RRAGD: variants seen among roughly 807,000 people sequenced by gnomAD.
The protein encoded by RRAGD is ras-related GTP-binding protein D.
In RRAGD, 12 loss-of-function variants were observed where a neutral mutation model predicts 35.5. That is an observed-to-expected ratio of 0.34 (90% CI 0.22 to 0.55). The LOEUF (loss-of-function observed/expected upper bound fraction) is 0.55, where lower values mean the gene tolerates loss of function less well. RRAGD is among the 20% of genes least tolerant of loss of function. The probability of loss-of-function intolerance (pLI) is 0.91; values close to 1 mark genes in which losing one functional copy is unlikely to be tolerated. For synonymous variants in RRAGD, 155 were observed against 178.9 expected (o/e 0.87, Z 1.07); for missense variants, 324 against 490.1 (o/e 0.66, Z 3.20).
chr6:89,389,629 T>C (rs555170133), intron 1 of RRAGD, among the ~76,000 whole-genome samples: 317 of 152,240 alleles, frequency 2.1e-3, no homozygotes, highest in Non-Finnish European at 3.7e-3. Flanking sequence ...TCCTTCGTTC[T>C]TGAAACATAT....
At chr6:89,404,521 C>T (rs1442696577) in intron 1 of RRAGD, among the ~76,000 whole-genome samples, 1 of 152,058 alleles carries the variant, frequency 6.6e-6, no homozygotes, top group African/African-American at 2.4e-5. Context: ...CTATCAATAC[C>T]CAGATTTTCC....
Position 89,411,894 on chromosome 6 carries a change from C to T in RRAGD, c.100G>A (p.Gly34Arg). 1.3e-6 allele frequency: 2 copies of T among 1,546,530 alleles called. No homozygotes were observed. The highest frequency in any genetic ancestry group is 1.7e-6 in the Non-Finnish European group (2 of 1,148,358). The change falls in exon 1 of 7, where the codon GGG becomes AGG. Residue 34 changes from glycine (G) to arginine (R), a missense_variant. Coordinates refer to ENST00000369415, the MANE Select transcript of RRAGD (RefSeq NM_021244.5). This position sits in a 1 kb window ranked among gnomAD's most constrained non-coding sequence, Gnocchi z 5.6. ...GGATCGGCGTCGGAGGAGTCGGGCC[C>T]GTCTCCGTAGTCCGCTAGCCCCACC... is the stretch of plus-strand genomic sequence containing the variant. ...ELVGLADYGD[G>R]PDSSDADPDS...
chr6:89,375,422 G>A (rs1768918939), intron 5 of RRAGD, among the ~76,000 whole-genome samples: 1 of 152,204 alleles, frequency 6.6e-6, no homozygotes, highest in Non-Finnish European at 1.5e-5. Flanking sequence ...GAAAACACAT[G>A]AAGATAGAAC....
At chr6:89,369,430 TACTC>T (rs1289227200) in intron 6 of RRAGD, among the ~76,000 whole-genome samples, 1 of 152,134 alleles carries the variant, frequency 6.6e-6, no homozygotes, top group African/African-American at 2.4e-5. Flanking sequence ...TACAATGAAA[TACTC>T]AACTTGGGAA....
At chr6:89,372,240 G>A (rs1358947023) in intron 6 of RRAGD, among the ~76,000 whole-genome samples, 197 bp downstream of exon 6, 1 of 152,160 alleles carries the variant, frequency 6.6e-6, no homozygotes, top group African/African-American at 2.4e-5. Context: ...TAGAGGGCAG[G>A]CCAGTTCACT....
At chr6:89,404,996 GA>G (rs1321340610) in intron 1 of RRAGD, among the ~76,000 whole-genome samples, 1 of 152,178 alleles carries the variant, frequency 6.6e-6, no homozygotes, top group African/African-American at 2.4e-5. Flanking sequence ...AGAGTTCTCT[GA>G]GAGGTAGCAT....
intron 1 of RRAGD, among the ~76,000 whole-genome samples, chr6:89,404,882 T>G (rs1769546569): frequency 6.6e-6 from 1 of 152,180 alleles, no homozygotes. Context: ...ACACAGCTCT[T>G]AAGGTTGGCC....
At chr6:89,370,054 G>A (rs746662177) in intron 6 of RRAGD, among the ~76,000 whole-genome samples, 2 of 152,168 alleles carry the variant, frequency 1.3e-5, no homozygotes, top group Non-Finnish European at 2.9e-5. Context: ...GGCTGAGCAG[G>A]GAGGATCACT....
chr6:89,367,361 TATAG>T lies in RRAGD; in HGVS notation c.*691_*694del, dbSNP rs1768772490. On this transcript the variant is annotated 3_prime_UTR_variant, in exon 7 of 7. Transcript: ENST00000369415. ...AAATAACCTCTCTGTATAAAGTGATTATAGAGATGTGTGTTGAGGTAAACAGCTT... is the reference window on the plus strand; with the variant it reads ...AAATAACCTCTCTGTATAAAGTGATTAGATGTGTGTTGAGGTAAACAGCTT... The T allele has an allele frequency of 1.3e-5, 2 of 152,204 alleles. No homozygotes were observed. The highest frequency in any genetic ancestry group is 4.8e-5 in the African/African-American group (2 of 41,448). The allele number at this position is 152,204 out of a possible 1,614,324, so 9.4% of individuals were successfully genotyped here.
intron 2 of RRAGD, among the ~76,000 whole-genome samples, chr6:89,382,892 AAAATT>A (rs1227520474): frequency 2.6e-5 from 4 of 152,202 alleles, no homozygotes; most frequent in East Asian, 3.8e-4. Context: ...AATAAAAAAA[AAAATT>A]AAATTAAATG....
chr6:89,399,189 C>T (rs373736200), intron 1 of RRAGD, among the ~76,000 whole-genome samples: 15 of 152,344 alleles, frequency 9.8e-5, no homozygotes, highest in African/African-American at 2.9e-4. Flanking sequence ...GTTGAATCTC[C>T]TCCTCCTGGG....
At chr6:89,371,914 G>A (rs965936261) in intron 6 of RRAGD, among the ~76,000 whole-genome samples, 2 of 152,150 alleles carry the variant, frequency 1.3e-5, no homozygotes, top group East Asian at 1.9e-4. Flanking sequence ...TTCCCTTTCC[G>A]GAATCATGAT....
intron 2 of RRAGD, among the ~76,000 whole-genome samples, chr6:89,381,809 T>C (rs980052928): frequency 6.6e-6 from 1 of 152,162 alleles, no homozygotes; most frequent in Non-Finnish European, 1.5e-5. Context: ...ATTATTCCCA[T>C]GTATATGTGA....
intron 5 of RRAGD, among the ~76,000 whole-genome samples, chr6:89,373,681 G>A (rs1391945535): frequency 6.6e-6 from 1 of 150,704 alleles, no homozygotes; most frequent in African/African-American, 2.5e-5. Flanking sequence ...GCAGACACAA[G>A]TGACTTGGGT....
At chr6:89,392,078 T>C (rs954831571) in intron 1 of RRAGD, among the ~76,000 whole-genome samples, 2 of 151,930 alleles carry the variant, frequency 1.3e-5, no homozygotes, top group East Asian at 3.9e-4. Context: ...GTATATAAAG[T>C]ATATCTCAAT....
At chr6:89,382,215 T>C (rs1769055846) in intron 2 of RRAGD, among the ~76,000 whole-genome samples, 1 of 151,618 alleles carries the variant, frequency 6.6e-6, no homozygotes, top group Non-Finnish European at 1.5e-5. Flanking sequence ...ATTATACAAA[T>C]AGGAAACTAT....
In RRAGD at chr6:89,391,168, T is replaced by G. The variant is rs529282651; in HGVS notation, c.149-3578A>C. 1.4e-4 allele frequency among the ~76,000 whole-genome samples: 21 copies of G among 152,098 alleles called. No homozygotes were observed. The South Asian group carries it at 4.4e-3, about 32-fold the overall frequency. On this transcript the variant is annotated intron_variant, in intron 1 of 6. Coordinates refer to ENST00000369415, the MANE Select transcript of RRAGD (RefSeq NM_021244.5). ...GGGAGGCTGAGGCAGGAGGGTTGCT[T>G]GAGGCCAGGAGTTCAAGATCAGCCT... is the stretch of plus-strand genomic sequence containing the variant.
chr6:89,403,313 C>CG lies in RRAGD; in HGVS notation c.148+8532dup, dbSNP rs992167441. Among the ~76,000 whole-genome samples, 150 of 151,974 alleles carry CG rather than the reference C, an allele frequency of 9.9e-4. 3 individuals are homozygous for CG. The highest frequency in any genetic ancestry group is 3.5e-3 in the African/African-American group (147 of 41,426). The stretch of plus-strand genomic sequence containing the variant: ...ACAAAAAATTAGCTGGGCATGGTGG[C>CG]GGGCGCCTGTAGTCCCAGCTACTCA... On this transcript the variant is annotated intron_variant, in intron 1 of 6. Coordinates refer to ENST00000369415, the MANE Select transcript of RRAGD (RefSeq NM_021244.5).
At position 89,365,029 on chromosome 6, in the gene RRAGD, C is replaced by T. The variant is rs1055766192; in HGVS notation, c.*3027G>A. The T allele has an allele frequency of 6.6e-6, 1 of 152,162 alleles. No individual in the cohort carries two copies. The highest frequency in any genetic ancestry group is 6.5e-5 in the Admixed American group (1 of 15,282). The allele number at this position is 152,162 out of a possible 1,614,324, so 9.4% of individuals were successfully genotyped here. A position where few individuals can be genotyped will look rare whatever the true frequency, so the allele number is the denominator to read the frequency against. On this transcript the variant is annotated 3_prime_UTR_variant, in exon 7 of 7. Coordinates refer to ENST00000369415, the MANE Select transcript of RRAGD (RefSeq NM_021244.5). Reference sequence around the variant, plus strand: ...TTGAATACATACCATACTTTAATAACCAAGACAATTCAGCTGTTTTTCCAG... The same window carrying T: ...TTGAATACATACCATACTTTAATAATCAAGACAATTCAGCTGTTTTTCCAG...
Sources: gnomAD v4.1 joint callset for allele counts (sites outside exome capture counted in the v4.1 genomes callset) on GRCh38, gnomAD v4.1.1 for gene constraint, Gnocchi (gnomAD v3.1) non-coding constraint, MANE v1.5 for transcripts, NCBI Gene and HGNC (gene_info 2026-07-23, HGNC 2026-07-21) for gene names.